L3MBTL4: variants seen among roughly 807,000 people sequenced by gnomAD.
L3MBTL4 encodes the protein L3MBTL histone methyl-lysine binding protein 4, also known as lethal(3)malignant brain tumor-like protein 4.
L3MBTL4 carries 70 observed loss-of-function variants against 84.5 expected under a neutral mutation model. That is an observed-to-expected ratio of 0.83 (90% confidence interval 0.68 to 1.01). The LOEUF (loss-of-function observed/expected upper bound fraction) is 1.01, where lower values mean the gene tolerates loss of function less well. Ranked by LOEUF, L3MBTL4 falls within the 50% of genes least tolerant of loss-of-function variation. The pLI, the probability that L3MBTL4 is intolerant of heterozygous loss-of-function variation, is 0.00. For missense variants in L3MBTL4, 715 were observed against 754.8 expected, an observed-to-expected ratio of 0.95 and a Z score of 0.62; for synonymous variants, 274 against 259.8, an observed-to-expected ratio of 1.05 and a Z score of -0.52.
intron 8 of L3MBTL4, 140 bp from the exon 9 acceptor site, chr18:6,240,012 T>C: frequency 1.4e-6 from 1 of 724,492 alleles, no homozygotes; most frequent in Non-Finnish European, 2.2e-6. Flanking sequence ...AGCCATCAAA[T>C]GCCTGTAAAA....
intron 1 of L3MBTL4, among the ~76,000 whole-genome samples, chr18:6,402,264 A>T (rs909016444): frequency 1.3e-5 from 2 of 152,226 alleles, no homozygotes; most frequent in East Asian, 3.8e-4. Context: ...CACAATCTAC[A>T]TTGCCATCTC....
chr18:6,081,896 C>A (rs994179351), intron 15 of L3MBTL4, among the ~76,000 whole-genome samples: 1 of 152,040 alleles, frequency 6.6e-6, no homozygotes, highest in Non-Finnish European at 1.5e-5. Context: ...GACTTTTTAT[C>A]AAAAAAGCAA....
Position 6,077,797 on chromosome 18 carries a change from G to A in L3MBTL4, c.1444+3084C>T, listed in dbSNP as rs187740954. On this transcript the variant is annotated intron_variant, in intron 16 of 18. Coordinates refer to ENST00000317931, the MANE Select transcript of L3MBTL4 (RefSeq NM_001330559.2). ...TGTAATCCCAGCACTTTGGGAGGCCGAGGTCAGTGGATCACGAGGTCAGGA... is the reference window on the plus strand; with the variant it reads ...TGTAATCCCAGCACTTTGGGAGGCCAAGGTCAGTGGATCACGAGGTCAGGA... 2.7e-3 allele frequency among the ~76,000 whole-genome samples: 408 copies of A among 151,576 alleles called. 3 individuals are homozygous for A. Among genetic ancestry groups the A allele is most frequent in the African/African-American group, 9.5e-3 (394 of 41,386 alleles).
intron 16 of L3MBTL4, chr18:6,031,795 G>A (rs564480104): frequency 1.7e-5 from 17 of 978,552 alleles, no homozygotes; most frequent in Middle Eastern, 5.2e-4. Flanking sequence ...GTGACTAAAG[G>A]CAAATCAGAT....
At chr18:6,243,664 C>G (rs1452908225) in intron 6 of L3MBTL4, among the ~76,000 whole-genome samples, 2 of 152,160 alleles carry the variant, frequency 1.3e-5, no homozygotes, top group African/African-American at 4.8e-5. Context: ...GACCCTTTTA[C>G]CCAATCTAGG....
chr18:6,172,000 T>C (rs2043997380), intron 12 of L3MBTL4, 58 bp from the exon 13 acceptor site: 6 of 800,914 alleles, frequency 7.5e-6, no homozygotes, highest in Non-Finnish European at 1.2e-5. Flanking sequence ...ACTATTCCTG[T>C]ATCAAAATAT....
At chr18:6,146,368 T>C (rs1370625713) in intron 13 of L3MBTL4, among the ~76,000 whole-genome samples, 2 of 151,852 alleles carry the variant, frequency 1.3e-5, no homozygotes, top group Non-Finnish European at 2.9e-5. Flanking sequence ...AGGACTGAAC[T>C]CTGGGAACAC....
intron 16 of L3MBTL4, among the ~76,000 whole-genome samples, chr18:6,050,907 T>G (rs928683308): frequency 6.6e-6 from 1 of 152,174 alleles, no homozygotes; most frequent in African/African-American, 2.4e-5. Flanking sequence ...ACATGTGATA[T>G]CAACACAGTT....
At chr18:6,015,510 C>T (rs184493285) in intron 16 of L3MBTL4, among the ~76,000 whole-genome samples, 2 of 152,230 alleles carry the variant, frequency 1.3e-5, no homozygotes, top group African/African-American at 2.4e-5. Context: ...ACAACACTTC[C>T]TTTATGTTAC....
chr18:6,396,241 T>C (rs341231), intron 1 of L3MBTL4: 84,432 of 152,064 alleles, frequency 0.56, 23,820 homozygotes, highest in African/African-American at 0.66. Flanking sequence ...CAAACAGTAA[T>C]TGTACAGCCC....
chr18:6,263,865 C>A (rs1299188020), intron 5 of L3MBTL4, 82 bp downstream of exon 5: 7 of 908,208 alleles, frequency 7.7e-6, no homozygotes, highest in Admixed American at 3.6e-5. Context: ...AGTTGATGGG[C>A]TATCTAGGAA....
At chr18:6,055,172 A>C (rs960234027) in intron 16 of L3MBTL4, among the ~76,000 whole-genome samples, 1 of 152,200 alleles carries the variant, frequency 6.6e-6, no homozygotes, top group Non-Finnish European at 1.5e-5. Flanking sequence ...AGTCATCCCA[A>C]CTTCTCTTAT....
intron 16 of L3MBTL4, among the ~76,000 whole-genome samples, chr18:5,980,429 G>A (rs976071420): frequency 4.4e-5 from 4 of 90,350 alleles, no homozygotes; most frequent in African/African-American, 1.1e-4. Context: ...ATTAGTTTGC[G>A]CTTTTTTTTT....
chr18:6,119,527 T>C (rs2059462336), intron 14 of L3MBTL4, among the ~76,000 whole-genome samples: 1 of 152,202 alleles, frequency 6.6e-6, no homozygotes, highest in South Asian at 2.1e-4. Flanking sequence ...GGCAGGGTGT[T>C]AGGCTTGAAT....
At chr18:5,976,181 C>T (rs1013308417) in intron 16 of L3MBTL4, among the ~76,000 whole-genome samples, 15 of 152,292 alleles carry the variant, frequency 9.8e-5, no homozygotes, top group Middle Eastern at 3.4e-3. Flanking sequence ...TGCTATAGTA[C>T]CTCCTGGATT....
At chr18:6,047,825 TTCC>T (rs1333962538) in intron 16 of L3MBTL4, among the ~76,000 whole-genome samples, 8 of 152,192 alleles carry the variant, frequency 5.3e-5, no homozygotes, top group African/African-American at 1.9e-4. Context: ...GCTGGAAGCA[TTCC>T]TCTTGAGAAC....
chr18:5,987,689 A>T (rs1441125816), intron 16 of L3MBTL4, among the ~76,000 whole-genome samples: 1 of 152,068 alleles, frequency 6.6e-6, no homozygotes, highest in Non-Finnish European at 1.5e-5. Flanking sequence ...ATAAAACAAA[A>T]CAGAATTTAC....
chr18:6,373,583 C>T (rs2054248155), intron 1 of L3MBTL4, among the ~76,000 whole-genome samples: 1 of 152,110 alleles, frequency 6.6e-6, no homozygotes, highest in African/African-American at 2.4e-5. Context: ...TCGCTCTACC[C>T]AAATGTACCC....
intron 3 of L3MBTL4, among the ~76,000 whole-genome samples, chr18:6,304,931 C>T (rs185623401): frequency 1.3e-3 from 198 of 152,278 alleles, no homozygotes; most frequent in African/African-American, 4.5e-3. Context: ...CTATCTGTCG[C>T]TCAGTGAGTG....
Sources: gnomAD v4.1 joint callset for allele counts (sites outside exome capture counted in the v4.1 genomes callset) on GRCh38, gnomAD v4.1.1 for gene constraint, MANE v1.5 for transcripts, NCBI Gene and HGNC (gene_info 2026-07-23, HGNC 2026-07-21) for gene names.